Variants in SCAI observed in about 807,000 individuals in gnomAD.
SCAI encodes the protein suppressor of cancer cell invasion, also known as protein SCAI.
A neutral mutation model predicts 92.2 loss-of-function variants in SCAI; 24 were observed. That is an observed-to-expected ratio of 0.26 (90% confidence interval 0.19 to 0.37). The LOEUF is 0.37. Ranked by LOEUF, SCAI falls within the 10% of genes least tolerant of loss-of-function variation. SCAI has a pLI of 1.00. For missense variants in SCAI, 450 were observed against 736.2 expected (o/e 0.61, Z 4.50); for synonymous variants, 261 against 258.6 (o/e 1.01, Z -0.09).
At chr9:125,049,201 A>C (rs1236063577) in intron 3 of SCAI, among the ~76,000 whole-genome samples, 2 of 152,074 alleles carry the variant, frequency 1.3e-5, no homozygotes, top group Non-Finnish European at 2.9e-5. Flanking sequence ...TATATATACT[A>C]TCAGTGGCCT....
At chr9:124,981,452 A>T (rs957592900) in intron 14 of SCAI, among the ~76,000 whole-genome samples, 5 of 152,142 alleles carry the variant, frequency 3.3e-5, no homozygotes, top group African/African-American at 1.2e-4. Flanking sequence ...AGTAACAGGC[A>T]TTCTCTTTTT....
chr9:125,053,807 T>C (rs1588181098), intron 3 of SCAI, among the ~76,000 whole-genome samples: 1 of 152,172 alleles, frequency 6.6e-6, no homozygotes, highest in African/African-American at 2.4e-5. Context: ...GCAAATTTTA[T>C]TGTATATAAA....
At chr9:125,093,001 T>C (rs1834468047) in intron 2 of SCAI, among the ~76,000 whole-genome samples, 1 of 152,222 alleles carries the variant, frequency 6.6e-6, no homozygotes, top group Admixed American at 6.5e-5. Context: ...CTTATGTTAC[T>C]TATCGACAGC....
intron 15 of SCAI, among the ~76,000 whole-genome samples, chr9:124,972,822 G>C (rs1017129513): frequency 2.0e-5 from 3 of 152,116 alleles, no homozygotes; most frequent in African/African-American, 7.2e-5. Context: ...GGTTCTATGG[G>C]CTTAGTATCT....
intron 2 of SCAI, among the ~76,000 whole-genome samples, chr9:125,056,344 T>C (rs1564395675): frequency 6.6e-6 from 1 of 152,066 alleles, no homozygotes; most frequent in Non-Finnish European, 1.5e-5. Flanking sequence ...TGGGCACCTG[T>C]AGTCCCAGCT....
chr9:125,015,753 C>G lies in SCAI; in HGVS notation c.861+3046G>C, dbSNP rs539253133. Among the ~76,000 whole-genome samples the G allele has an allele frequency of 5.3e-5, 8 of 152,170 alleles. No individual in the cohort carries two copies. The South Asian group carries it at 1.7e-3, about 32-fold the overall frequency. On this transcript the variant is annotated intron_variant, in intron 9 of 17. Transcript: ENST00000336505. ...CACGTATGTCTACTGCAGCACTATT[C>G]ACAATAGCAAAGACTTGGAATCAAC...
At chr9:124,993,313 G>A (rs1364410298) in intron 14 of SCAI, among the ~76,000 whole-genome samples, 5 of 152,216 alleles carry the variant, frequency 3.3e-5, no homozygotes, top group Non-Finnish European at 2.9e-5. Flanking sequence ...TGCTGGCTGG[G>A]TACGGTGGAA....
chr9:125,099,269 G>A (rs1834629050), intron 2 of SCAI, among the ~76,000 whole-genome samples: 2 of 151,404 alleles, frequency 1.3e-5, no homozygotes, highest in South Asian at 4.2e-4. Flanking sequence ...ATTTTGTTAT[G>A]AAAGAAATCA....
intron 2 of SCAI, among the ~76,000 whole-genome samples, chr9:125,122,258 C>T (rs1433961242): frequency 6.6e-6 from 1 of 152,158 alleles, no homozygotes; most frequent in Non-Finnish European, 1.5e-5. Flanking sequence ...TTATTTAAAA[C>T]ATTTTCCTCT....
Position 125,080,016 on chromosome 9 carries a change from T to G in SCAI, c.99-24009A>C, listed in dbSNP as rs1478305994. Among the ~76,000 whole-genome samples, 4 of 152,056 alleles carry G rather than the reference T, an allele frequency of 2.6e-5. No individual in the cohort carries two copies. In the East Asian group the frequency reaches 7.7e-4, roughly 29 times the overall value. Reference sequence around the variant, plus strand: ...ACATACTACCAAAAGCAGCTTAAAATCTGGGATTGTTTAACTAGAGGGAAG... The same window carrying G: ...ACATACTACCAAAAGCAGCTTAAAAGCTGGGATTGTTTAACTAGAGGGAAG... On this transcript the variant is annotated intron_variant, in intron 2 of 17. Transcript: ENST00000336505.
intron 9 of SCAI, among the ~76,000 whole-genome samples, chr9:125,018,181 G>A (rs774475902): frequency 3.4e-4 from 52 of 151,896 alleles, no homozygotes; most frequent in Middle Eastern, 3.4e-3. Context: ...TCCAACCTCC[G>A]CCTCCCAGGT....
At chr9:125,100,483 G>T (rs1050667770) in intron 2 of SCAI, among the ~76,000 whole-genome samples, 3 of 152,100 alleles carry the variant, frequency 2.0e-5, no homozygotes, top group African/African-American at 7.2e-5. Context: ...ACTCAATTTC[G>T]GTTCTAAGTC....
chr9:125,052,969 G>A (rs1285723145), intron 3 of SCAI, among the ~76,000 whole-genome samples: 3 of 151,962 alleles, frequency 2.0e-5, no homozygotes, highest in African/African-American at 7.3e-5. Flanking sequence ...ACACATTACT[G>A]GTGATGAGGC....
At chr9:125,046,766 A>T (rs1166928504) in intron 3 of SCAI, among the ~76,000 whole-genome samples, 1 of 151,758 alleles carries the variant, frequency 6.6e-6, no homozygotes, top group Non-Finnish European at 1.5e-5. Flanking sequence ...TCCAGCTTCT[A>T]CCAGCAACTT....
chr9:125,113,732 G>A (rs1420090719), intron 2 of SCAI, among the ~76,000 whole-genome samples: 1 of 149,342 alleles, frequency 6.7e-6, no homozygotes, highest in African/African-American at 2.5e-5. Flanking sequence ...GGAGGCCAAG[G>A]CGGGCTGATC....
intron 17 of SCAI, among the ~76,000 whole-genome samples, chr9:124,965,249 G>A (rs1006452204): frequency 6.6e-6 from 1 of 151,882 alleles, no homozygotes; most frequent in Non-Finnish European, 1.5e-5. Flanking sequence ...TGTATGTCGG[G>A]GGGGAATGGA....
intron 14 of SCAI, among the ~76,000 whole-genome samples, chr9:124,983,224 C>T (rs1401413292): frequency 6.6e-6 from 1 of 151,646 alleles, no homozygotes; most frequent in East Asian, 1.9e-4. Flanking sequence ...AAGATCTCTT[C>T]TTCTCTTCTT....
chr9:125,019,137 C>T lies in SCAI; in HGVS notation c.678G>A (p.Leu226=), dbSNP rs757824294. ...FNTEDQVEWN[L]VLQEVAAFIE... ...TGAAAGCTGCTACTTCTTGAAGCACCAAGTTCCATTCCACTTGATCTTCAG... is the reference window on the plus strand; with the variant it reads ...TGAAAGCTGCTACTTCTTGAAGCACTAAGTTCCATTCCACTTGATCTTCAG... The change falls in exon 8 of 18, where the codon TTG becomes TTA. Residue 226 remains leucine (L), a synonymous_variant. Transcript: ENST00000336505. 4 of 1,604,924 alleles carry T rather than the reference C, an allele frequency of 2.5e-6. No homozygotes were observed. Among genetic ancestry groups the T allele is most frequent in the East Asian group, 2.2e-5 (1 of 44,826 alleles).
At chr9:125,028,340 G>T in intron 5 of SCAI, 52 bp downstream of exon 5, 1 of 992,754 alleles carries the variant, frequency 1.0e-6, no homozygotes, top group Non-Finnish European at 1.6e-6. Flanking sequence ...ACTTCTGCAT[G>T]CTGTGTTTTA....
Sources: allele counts gnomAD v4.1 joint callset (sites outside exome capture counted in the v4.1 genomes callset), GRCh38; gene constraint gnomAD v4.1.1; transcripts MANE v1.5; gene names NCBI Gene and HGNC (gene_info 2026-07-23, HGNC 2026-07-21).